TOX2: variants seen among roughly 807,000 people sequenced by gnomAD.
The protein encoded by TOX2 is granulosa cell HMG box 1.
In TOX2, 15 loss-of-function variants were observed where a neutral mutation model predicts 47.4. The observed-to-expected ratio is 0.32, with a 90% CI of 0.21 to 0.49. The LOEUF (loss-of-function observed/expected upper bound fraction) is 0.49, where lower values mean the gene tolerates loss of function less well. TOX2 is among the 20% of genes least tolerant of loss of function. The pLI is 0.99. For missense variants in TOX2, 622 were observed against 673.1 expected, an observed-to-expected ratio of 0.92 and a Z score of 0.84; for synonymous variants, 290 against 296.6, an observed-to-expected ratio of 0.98 and a Z score of 0.23.
intron 5 of TOX2, among the ~76,000 whole-genome samples, chr20:44,062,404 A>AATG (rs2071736789): frequency 1.0e-3 from 149 of 145,108 alleles, no homozygotes; most frequent in African/African-American, 3.5e-3. Flanking sequence ...ATAAATAAAT[A>AATG]AATGAATAAA....
At chr20:43,966,816 T>A (rs1340972365) in intron 1 of TOX2, among the ~76,000 whole-genome samples, 1 of 151,296 alleles carries the variant, frequency 6.6e-6, no homozygotes, top group Non-Finnish European at 1.5e-5. Context: ...CCACGGGAAC[T>A]GAGACTTGGG....
At chr20:43,978,264 G>A (rs965694795) in intron 2 of TOX2, among the ~76,000 whole-genome samples, 2 of 152,098 alleles carry the variant, frequency 1.3e-5, no homozygotes, top group African/African-American at 4.8e-5. Context: ...GACCAACTCT[G>A]CAACTCCTCA....
chr20:44,053,205 C>G (rs1252253311), intron 4 of TOX2, among the ~76,000 whole-genome samples: 1 of 152,154 alleles, frequency 6.6e-6, no homozygotes, highest in African/African-American at 2.4e-5. Flanking sequence ...CCTGGAAGCC[C>G]TAAGTCAAGT....
chr20:44,005,187 A>C (rs186351829), intron 2 of TOX2, among the ~76,000 whole-genome samples: 116 of 152,302 alleles, frequency 7.6e-4, no homozygotes, highest in African/African-American at 2.7e-3. Context: ...CTCAACTATT[A>C]TCTCCTCAGT....
Position 44,066,308 on chromosome 20 carries a change from C to T in TOX2, c.1356+201C>T, listed in dbSNP as rs558689660. The stretch of plus-strand genomic sequence containing the variant: ...GATGTGCTGGCTGCAGTGAACAGTT[C>T]ACGAGTTGCCAGACTGACTCTTAGG... On this transcript the variant is annotated intron_variant, in intron 7 of 8. Transcript: ENST00000341197. Among the ~76,000 whole-genome samples the T allele has an allele frequency of 2.6e-5, 4 of 152,298 alleles. No individual in the cohort carries two copies. In the East Asian group the frequency reaches 5.8e-4, roughly 22 times the overall value.
Position 43,998,716 on chromosome 20 carries a change from G to GATAC in TOX2, c.166-7828_166-7825dup, listed in dbSNP as rs536603260. 3.9e-3 allele frequency among the ~76,000 whole-genome samples: 552 copies of GATAC among 140,624 alleles called. 5 individuals are homozygous for GATAC. The highest frequency in any genetic ancestry group is 0.014 in the African/African-American group (512 of 37,150). The allele number at this position is 140,624 out of a possible 152,430, so 92.3% of individuals were successfully genotyped here. A position where few individuals can be genotyped will look rare whatever the true frequency, so the allele number is the denominator to read the frequency against. ...TTGCCACTCTGCTTTTTGTTGGCCT[G>GATAC]ATACATCTATCTATCTATCTATCTA... On this transcript the variant is annotated intron_variant, in intron 2 of 8. Coordinates refer to ENST00000341197, the MANE Select transcript of TOX2 (RefSeq NM_001098797.2).
chr20:43,985,881 G>A (rs1464187689), intron 2 of TOX2, among the ~76,000 whole-genome samples: 3 of 152,160 alleles, frequency 2.0e-5, no homozygotes, highest in Admixed American at 6.5e-5. Context: ...TAAGAGGAGT[G>A]TGTGTCCAGC....
chr20:43,999,101 G>C (rs181148834), intron 2 of TOX2, among the ~76,000 whole-genome samples: 2 of 151,946 alleles, frequency 1.3e-5, no homozygotes, highest in Admixed American at 6.6e-5. Flanking sequence ...TTTATTTTAG[G>C]CATGTCTATT....
chr20:44,043,563 T>C (rs1182823177), intron 3 of TOX2, among the ~76,000 whole-genome samples: 3 of 152,228 alleles, frequency 2.0e-5, no homozygotes, highest in Non-Finnish European at 4.4e-5. Flanking sequence ...TTCATCTGCA[T>C]TGGCAGCTGT....
intron 3 of TOX2, among the ~76,000 whole-genome samples, chr20:44,017,980 A>G (rs2070908973): frequency 6.6e-6 from 1 of 152,204 alleles, no homozygotes; most frequent in Admixed American, 6.5e-5. Flanking sequence ...GAGTTGAGCT[A>G]TTCATATTCA....
intron 3 of TOX2, among the ~76,000 whole-genome samples, chr20:44,037,785 A>G (rs999152529): frequency 8.5e-5 from 13 of 152,206 alleles, no homozygotes; most frequent in African/African-American, 3.1e-4. Flanking sequence ...GTAGTTCTTT[A>G]TAGCAGTATG....
At chr20:43,928,091 AG>A (rs1434155166) in intron 1 of TOX2, among the ~76,000 whole-genome samples, 1 of 152,188 alleles carries the variant, frequency 6.6e-6, no homozygotes, top group Non-Finnish European at 1.5e-5. Flanking sequence ...CAAGTGAAGA[AG>A]GTAGGGAAAA....
chr20:43,989,746 C>CT (rs886220115), intron 2 of TOX2, among the ~76,000 whole-genome samples: 68 of 151,184 alleles, frequency 4.5e-4, no homozygotes, highest in African/African-American at 1.6e-3. Flanking sequence ...CGCCACTGAA[C>CT]TCCAGCCTGG....
intron 2 of TOX2, among the ~76,000 whole-genome samples, chr20:43,985,246 A>T (rs146843240): frequency 1.3e-5 from 2 of 152,290 alleles, no homozygotes; most frequent in African/African-American, 4.8e-5. Flanking sequence ...ACTTACAGCC[A>T]AGGGCTCAGC....
chr20:43,977,308 A>G (rs899820167), intron 2 of TOX2, among the ~76,000 whole-genome samples: 1 of 152,146 alleles, frequency 6.6e-6, no homozygotes, highest in African/African-American at 2.4e-5. Context: ...ACAGGGTTTC[A>G]CCATGTTGGC....
At chr20:44,048,943 C>A (rs1488499639) in intron 3 of TOX2, among the ~76,000 whole-genome samples, 1 of 152,220 alleles carries the variant, frequency 6.6e-6, no homozygotes, top group African/African-American at 2.4e-5. Flanking sequence ...TTGAGACAAG[C>A]CTGGCCAATA....
intron 3 of TOX2, among the ~76,000 whole-genome samples, chr20:44,026,595 AAAAAT>A (rs1256890475): frequency 3.3e-5 from 5 of 152,110 alleles, no homozygotes; most frequent in African/African-American, 4.8e-5. Context: ...GTTTTACCTC[AAAAAT>A]AAAATAAACC....
At chr20:44,001,428 T>C (rs747175766) in intron 2 of TOX2, among the ~76,000 whole-genome samples, 18 of 152,250 alleles carry the variant, frequency 1.2e-4, no homozygotes, top group Non-Finnish European at 2.2e-4. Context: ...GTGTTCAGTG[T>C]CATGCATGTA....
At chr20:44,019,495 C>T (rs1182504515) in intron 3 of TOX2, among the ~76,000 whole-genome samples, 1 of 152,216 alleles carries the variant, frequency 6.6e-6, no homozygotes, top group African/African-American at 2.4e-5. Flanking sequence ...GTCTCCCTAT[C>T]GAGTGTGGGT....
Sources: gnomAD v4.1 joint callset for allele counts (sites outside exome capture counted in the v4.1 genomes callset) on GRCh38, gnomAD v4.1.1 for gene constraint, MANE v1.5 for transcripts, NCBI Gene and HGNC (gene_info 2026-07-23, HGNC 2026-07-21) for gene names.